The following ZMYND11 variants were observed in gnomAD, a reference collection of about 807,000 sequenced individuals.
The protein encoded by ZMYND11 is zinc finger MYND-type containing 11, also known as zinc finger MYND domain-containing protein 11.
Under a neutral mutation model 84.9 loss-of-function variants are expected in ZMYND11, and 9 were observed. The observed-to-expected ratio is 0.11, with a 90% confidence interval of 0.06 to 0.18. The LOEUF (loss-of-function observed/expected upper bound fraction) is 0.18, where lower values mean the gene tolerates loss of function less well. ZMYND11 is among the 10% of genes least tolerant of loss of function. The pLI is 1.00. For missense variants in ZMYND11, 409 were observed against 761.0 expected, an observed-to-expected ratio of 0.54 and a Z score of 5.44; for synonymous variants, 250 against 244.1, an observed-to-expected ratio of 1.02 and a Z score of -0.23.
intron 1 of ZMYND11, among the ~76,000 whole-genome samples, chr10:152,013 G>A (rs1340311120): frequency 1.3e-5 from 2 of 152,184 alleles, no homozygotes; most frequent in African/African-American, 4.8e-5. Context: ...ACAAGCAAAT[G>A]CTGAGAGATT....
intron 1 of ZMYND11, among the ~76,000 whole-genome samples, chr10:143,123 A>G (rs1837872364): frequency 6.6e-6 from 1 of 152,194 alleles, no homozygotes; most frequent in Non-Finnish European, 1.5e-5. Flanking sequence ...AATTTCTGGA[A>G]AGCTGTATTA....
chr10:239,254 C>A (rs1313193314), intron 6 of ZMYND11, among the ~76,000 whole-genome samples, 184 bp from the exon 7 acceptor site: 1 of 152,196 alleles, frequency 6.6e-6, no homozygotes, highest in Non-Finnish European at 1.5e-5. Context: ...CTTCATTATA[C>A]TATATTATTA....
Position 240,933 on chromosome 10 carries a change from C to T in ZMYND11, c.794C>T (p.Ser265Leu). Residue 265 changes from serine to leucine, a missense_variant, in exon 9 of 15, where the codon TCA (serine) becomes TTA (leucine). Around this residue, in one of 7 missense-constraint regions of ZMYND11, gnomAD observed 59 missense variants for 151.0 expected, o/e 0.39. Coordinates refer to ENST00000381604, the MANE Select transcript of ZMYND11 (RefSeq NM_001370100.5). ...CTTTGCAAGAATTGCTTTTACTTGT[C>T]AAATGCTCGTCCTGACAACTGGTTC... ...LQLCKNCFYL[S>L]NARPDNWFCY... is the part of the protein sequence containing the mutation. 6.2e-7 allele frequency: 1 copy of T among 1,613,800 alleles called. No homozygotes were observed. The highest frequency in any genetic ancestry group is 8.5e-7 in the Non-Finnish European group (1 of 1,179,924).
In ZMYND11 at chr10:246,986, CCGGA is replaced by C. The variant is rs1952286720; in HGVS notation, c.1158+14_1158+17del. ...CAGTAATGAGCAGGTGAGTGTGTCT[CCGGA>C]AGGAAGTGCCTATTCATTATTACTT... On this transcript the variant is annotated intron_variant, in intron 11 of 14. Coordinates refer to ENST00000381604, the MANE Select transcript of ZMYND11 (RefSeq NM_001370100.5). 6.3e-7 allele frequency: 1 copy of C among 1,591,528 alleles called. No individual in the cohort carries two copies. The highest frequency in any genetic ancestry group is 1.3e-5 in the African/African-American group (1 of 74,686).
chr10:184,333 CCT>C (rs567575117), intron 2 of ZMYND11, among the ~76,000 whole-genome samples: 33 of 151,960 alleles, frequency 2.2e-4, no homozygotes, highest in Non-Finnish European at 7.4e-5. Context: ...TAGTTTGGAG[CCT>C]CTCTTAGTAT....
At chr10:221,080 G>A in intron 3 of ZMYND11, 115 bp from the exon 4 acceptor site, 1 of 924,866 alleles carries the variant, frequency 1.1e-6, no homozygotes, top group South Asian at 1.6e-5. Context: ...CACAGTAAAT[G>A]TCTTTAAATT....
chr10:209,486 G>A (rs539945707), intron 2 of ZMYND11, among the ~76,000 whole-genome samples: 2 of 152,228 alleles, frequency 1.3e-5, no homozygotes, highest in South Asian at 4.2e-4. Context: ...GTAGTTCTAA[G>A]GTCCTATGGT....
At chr10:131,267 T>C (rs192158104), upstream of ZMYND11, among the ~76,000 whole-genome samples, 20 of 152,332 alleles carry the variant, frequency 1.3e-4, no homozygotes, top group East Asian at 3.7e-3. Flanking sequence ...CTTAAATGTT[T>C]TGAAGCATAT....
chr10:149,991 A>G (rs1554756511), intron 1 of ZMYND11, among the ~76,000 whole-genome samples: 1 of 152,148 alleles, frequency 6.6e-6, no homozygotes, highest in Non-Finnish European at 1.5e-5. Flanking sequence ...AAGCTTTTCG[A>G]TGTGCTGCTG....
At chr10:165,168 A>G (rs1843704897) in intron 1 of ZMYND11, among the ~76,000 whole-genome samples, 1 of 152,030 alleles carries the variant, frequency 6.6e-6, no homozygotes, top group Non-Finnish European at 1.5e-5. Flanking sequence ...TTATTTCACT[A>G]AGACAGCTCT....
chr10:235,547 T>C (rs1321689202), intron 4 of ZMYND11, among the ~76,000 whole-genome samples: 1 of 151,874 alleles, frequency 6.6e-6, no homozygotes, highest in African/African-American at 2.4e-5. Flanking sequence ...AACAAGCAAA[T>C]ACGAATCACA....
chr10:136,980 C>T (rs1434863661), intron 1 of ZMYND11, among the ~76,000 whole-genome samples: 4 of 151,998 alleles, frequency 2.6e-5, no homozygotes, highest in Admixed American at 2.6e-4. Flanking sequence ...CTGGTGTTAT[C>T]TATGTTTTGT....
intron 1 of ZMYND11, among the ~76,000 whole-genome samples, chr10:139,752 C>A (rs1837057499): frequency 8.0e-6 from 1 of 125,534 alleles, no homozygotes; most frequent in Non-Finnish European, 1.6e-5. Flanking sequence ...TGCTCTGTTG[C>A]CCAGGCTGGA....
At position 249,350 on chromosome 10, in the gene ZMYND11, T is replaced by G; in HGVS notation, c.1686+262T>G. On this transcript the variant is annotated intron_variant, in intron 14 of 14. Transcript: ENST00000381604. The stretch of plus-strand genomic sequence containing the variant: ...TTAGTACATATTTATTACAATTAAC[T>G]TATATAATTTCTCCATCTATGCATA... The G allele has an allele frequency of 2.5e-6, 3 of 1,209,722 alleles. No individual in the cohort carries two copies. The South Asian group carries it at 7.9e-5, about 32-fold the overall frequency. 74.9% of individuals were successfully genotyped at this position (1,209,722 alleles called of 1,614,324 possible).
At chr10:134,904 G>C (rs1835518772), upstream of ZMYND11, 1 of 151,302 alleles carries the variant, frequency 6.6e-6, no homozygotes, top group South Asian at 2.1e-4. Flanking sequence ...TAGGAGCCGC[G>C]TGCACGGCTC....
rs1554769522 is a variant in ZMYND11 at position 185,823 on chromosome 10, A to AAC, written c.116+5696_116+5697insCA. ...AGTGAAACTCCGTCTCAAAAAAACA[A>AAC]AAAAACAAAAAAACAAAAAAAAAGA... On this transcript the variant is annotated intron_variant, in intron 2 of 14. Coordinates refer to ENST00000381604, the MANE Select transcript of ZMYND11 (RefSeq NM_001370100.5). Among the ~76,000 whole-genome samples the AAC allele has an allele frequency of 8.0e-5, 12 of 150,708 alleles. 1 individual carries two copies. Among genetic ancestry groups the AAC allele is most frequent in the Non-Finnish European group, 1.3e-4 (9 of 67,664 alleles).
intron 3 of ZMYND11, among the ~76,000 whole-genome samples, chr10:217,765 G>A (rs1228222309): frequency 2.0e-5 from 3 of 152,092 alleles, no homozygotes; most frequent in South Asian, 2.1e-4. Flanking sequence ...TGTAGACTGC[G>A]TACTATCATT....
chr10:166,492 GT>G (rs1199559647), intron 1 of ZMYND11, among the ~76,000 whole-genome samples: 1 of 151,952 alleles, frequency 6.6e-6, no homozygotes, highest in Non-Finnish European at 1.5e-5. Context: ...ATGAAAAGGT[GT>G]TCAACATCAT....
intron 2 of ZMYND11, among the ~76,000 whole-genome samples, chr10:189,541 T>C (rs979767882): frequency 6.6e-6 from 1 of 152,214 alleles, no homozygotes; most frequent in Non-Finnish European, 1.5e-5. Flanking sequence ...CATATCTTAT[T>C]ATGAAACCAG....
Sources: allele counts gnomAD v4.1 joint callset (sites outside exome capture counted in the v4.1 genomes callset), GRCh38; gene constraint gnomAD v4.1.1; regional missense constraint gnomAD v4.1.1; transcripts MANE v1.5; gene names NCBI Gene and HGNC (gene_info 2026-07-23, HGNC 2026-07-21).